The following SLC35F3 variants were observed in gnomAD, a reference collection of about 807,000 sequenced individuals.
The protein encoded by SLC35F3 is putative thiamine transporter SLC35F3.
A neutral mutation model predicts 49.9 loss-of-function variants in SLC35F3; 25 were observed. The observed-to-expected ratio is 0.50, with a 90% CI of 0.37 to 0.70. SLC35F3 has a LOEUF of 0.70. Among genes scored for constraint, SLC35F3 ranks in the 30% least tolerant of loss-of-function variants. The pLI is 0.00. For synonymous variants in SLC35F3, 275 were observed against 265.4 expected, an observed-to-expected ratio of 1.04 and a Z score of -0.35; for missense variants, 525 against 639.8, an observed-to-expected ratio of 0.82 and a Z score of 1.94.
chr1:233,908,984 G>A (rs1390816135), intron 2 of SLC35F3, among the ~76,000 whole-genome samples: 1 of 151,370 alleles, frequency 6.6e-6, no homozygotes, highest in Admixed American at 6.6e-5. Flanking sequence ...GCTTCCTCCT[G>A]AGTAGCTGGG....
At chr1:234,022,336 T>C (rs1487390350) in intron 2 of SLC35F3, among the ~76,000 whole-genome samples, 1 of 152,226 alleles carries the variant, frequency 6.6e-6, no homozygotes, top group African/African-American at 2.4e-5. Context: ...TTTAAGGAAC[T>C]GGCTCTCCAA....
At chr1:234,183,167 C>T (rs1666587321) in intron 2 of SLC35F3, among the ~76,000 whole-genome samples, 1 of 142,318 alleles carries the variant, frequency 7.0e-6, no homozygotes, top group Non-Finnish European at 1.5e-5. Context: ...CAGATGCACA[C>T]CACCACACCC....
intron 2 of SLC35F3, among the ~76,000 whole-genome samples, chr1:233,912,985 T>A (rs1200315579): frequency 1.3e-5 from 2 of 152,228 alleles, no homozygotes; most frequent in East Asian, 3.8e-4. Flanking sequence ...TGTGCCAGAA[T>A]GCAGAGATTA....
At chr1:234,161,171 A>G (rs1451156328) in intron 2 of SLC35F3, among the ~76,000 whole-genome samples, 2 of 151,962 alleles carry the variant, frequency 1.3e-5, no homozygotes, top group African/African-American at 2.4e-5. Context: ...TTTGTGATTT[A>G]CTCTGTGCCA....
intron 2 of SLC35F3, among the ~76,000 whole-genome samples, chr1:233,911,171 C>T (rs927200508): frequency 6.6e-6 from 1 of 152,146 alleles, no homozygotes; most frequent in Non-Finnish European, 1.5e-5. Context: ...TGTTAGTTCA[C>T]CCTGAACTGT....
intron 2 of SLC35F3, among the ~76,000 whole-genome samples, chr1:234,201,893 A>G (rs1408409198): frequency 1.4e-5 from 2 of 146,886 alleles, no homozygotes; most frequent in Admixed American, 1.4e-4. Context: ...AGCCTGGGCT[A>G]CAGAGCTAGA....
chr1:234,215,510 C>T (rs1434705393), intron 2 of SLC35F3, among the ~76,000 whole-genome samples: 1 of 152,204 alleles, frequency 6.6e-6, no homozygotes, highest in African/African-American at 2.4e-5. Context: ...CCCCTGGGTC[C>T]CAGGAGCTCC....
At chr1:234,271,673 T>C (rs1375849381) in intron 3 of SLC35F3, among the ~76,000 whole-genome samples, 1 of 152,264 alleles carries the variant, frequency 6.6e-6, no homozygotes, top group African/African-American at 2.4e-5. Context: ...TTGAGATTTG[T>C]GTCTCAGGTT....
intron 3 of SLC35F3, among the ~76,000 whole-genome samples, chr1:234,295,979 T>C (rs1427489678): frequency 6.6e-6 from 1 of 152,254 alleles, no homozygotes; most frequent in African/African-American, 2.4e-5. Flanking sequence ...TCATGTGTTA[T>C]ACAAATGTAT....
At chr1:234,078,175 C>T (rs1003581061) in intron 2 of SLC35F3, among the ~76,000 whole-genome samples, 1 of 152,212 alleles carries the variant, frequency 6.6e-6, no homozygotes, top group Non-Finnish European at 1.5e-5. Flanking sequence ...TTCCTTTCCT[C>T]TACCATTTAA....
In SLC35F3 at chr1:234,099,567, G is replaced by A. The variant is rs375612951; in HGVS notation, c.284-131850G>A. 5.7e-5 allele frequency among the ~76,000 whole-genome samples: 8 copies of A among 139,144 alleles called. No individual in the cohort carries two copies. The South Asian group carries it at 6.7e-4, about 12-fold the overall frequency. 91.3% of individuals were successfully genotyped at this position (139,144 alleles called of 152,430 possible). A position where few individuals can be genotyped will look rare whatever the true frequency, so the allele number is the denominator to read the frequency against. On this transcript the variant is annotated intron_variant, in intron 2 of 7. Coordinates refer to ENST00000366618, the MANE Select transcript of SLC35F3 (RefSeq NM_173508.4). ...GGACGTTGCAGTGAGCTGAGATCGCGCCACTGCACTCCAGCCTGGCAACAG... is the reference window on the plus strand; with the variant it reads ...GGACGTTGCAGTGAGCTGAGATCGCACCACTGCACTCCAGCCTGGCAACAG...
chr1:234,145,149 C>T (rs1410193414), intron 2 of SLC35F3, among the ~76,000 whole-genome samples: 1 of 152,204 alleles, frequency 6.6e-6, no homozygotes, highest in South Asian at 2.1e-4. Context: ...TTCCTTGGAA[C>T]CTCAGGGTGA....
intron 2 of SLC35F3, among the ~76,000 whole-genome samples, chr1:233,922,726 C>T (rs981646471): frequency 6.6e-5 from 10 of 152,118 alleles, no homozygotes; most frequent in African/African-American, 2.2e-4. Context: ...CTTGCCCATA[C>T]CCATGTCATG....
intron 2 of SLC35F3, among the ~76,000 whole-genome samples, chr1:234,100,048 T>C (rs1665191520): frequency 6.6e-6 from 1 of 152,254 alleles, no homozygotes; most frequent in African/African-American, 2.4e-5. Context: ...CAAGGTGTTC[T>C]GCATGATTAG....
At chr1:234,286,416 G>T (rs148362711) in intron 3 of SLC35F3, among the ~76,000 whole-genome samples, 1 of 152,230 alleles carries the variant, frequency 6.6e-6, no homozygotes, top group African/African-American at 2.4e-5. Context: ...CGGGCAGCCC[G>T]AATGCCACAG....
chr1:234,230,069 GAGA>G (rs1484034365), intron 2 of SLC35F3, among the ~76,000 whole-genome samples: 4 of 152,202 alleles, frequency 2.6e-5, no homozygotes, highest in African/African-American at 9.7e-5. Flanking sequence ...TGAAAAGTTA[GAGA>G]AGGAGGGAGG....
chr1:234,130,093 G>A (rs184305822), intron 2 of SLC35F3, among the ~76,000 whole-genome samples: 21 of 152,196 alleles, frequency 1.4e-4, no homozygotes, highest in African/African-American at 4.6e-4. Context: ...TAAACTGCAA[G>A]AAAATATTTA....
At chr1:234,040,744 G>T (rs1476555336) in intron 2 of SLC35F3, among the ~76,000 whole-genome samples, 3 of 152,206 alleles carry the variant, frequency 2.0e-5, no homozygotes, top group Non-Finnish European at 4.4e-5. Flanking sequence ...GAGTAGGAGA[G>T]AATTACAAAG....
chr1:234,199,142 T>A (rs1352212530), intron 2 of SLC35F3, among the ~76,000 whole-genome samples: 1 of 151,894 alleles, frequency 6.6e-6, no homozygotes, highest in Non-Finnish European at 1.5e-5. Context: ...ATGGGAGGAT[T>A]GCTTAAGCTC....
Sources: gnomAD v4.1 joint callset for allele counts (sites outside exome capture counted in the v4.1 genomes callset) on GRCh38, gnomAD v4.1.1 for gene constraint, MANE v1.5 for transcripts, NCBI Gene and HGNC (gene_info 2026-07-23, HGNC 2026-07-21) for gene names.